The following LRRIQ3 variants were observed in gnomAD, a reference collection of about 807,000 sequenced individuals.
The protein encoded by LRRIQ3 is leucine rich repeats and IQ motif containing 3.
Under a neutral mutation model 59.3 loss-of-function variants are expected in LRRIQ3, and 75 were observed. The ratio of observed to expected loss-of-function variants is 1.26; its 90% CI spans 1.05 to 1.53. The LOEUF is 1.53. Among genes scored for constraint, LRRIQ3 ranks in the 40% most tolerant of loss-of-function variants. LRRIQ3 has a pLI of 0.00. For missense variants in LRRIQ3, 831 were observed against 710.0 expected (o/e 1.17, Z -1.94); for synonymous variants, 250 against 231.3 (o/e 1.08, Z -0.73).
intron 3 of LRRIQ3, among the ~76,000 whole-genome samples, chr1:74,176,646 T>A (rs1405861976): frequency 6.6e-6 from 1 of 151,798 alleles, no homozygotes; most frequent in Non-Finnish European, 1.5e-5. Context: ...TCTCAGTATT[T>A]TTTTTTTCTG....
intron 7 of LRRIQ3, among the ~76,000 whole-genome samples, chr1:74,039,178 C>T (rs1419595045): frequency 1.3e-5 from 2 of 152,094 alleles, no homozygotes; most frequent in African/African-American, 4.8e-5. Context: ...CTTAGTGAAG[C>T]ATACACAAGT....
intron 6 of LRRIQ3, among the ~76,000 whole-genome samples, chr1:74,052,395 T>C (rs780714585): frequency 6.6e-6 from 1 of 152,148 alleles, no homozygotes; most frequent in Non-Finnish European, 1.5e-5. Flanking sequence ...CACGATGCCA[T>C]AGTTTCTTCA....
At chr1:74,114,941 T>A (rs2100573382) in intron 4 of LRRIQ3, among the ~76,000 whole-genome samples, 1 of 152,092 alleles carries the variant, frequency 6.6e-6, no homozygotes, top group South Asian at 2.1e-4. Flanking sequence ...TTCTTAATAT[T>A]TTATACAATT....
chr1:74,026,261 A>G lies in LRRIQ3; in HGVS notation c.*552T>C, dbSNP rs1653510386. On this transcript the variant is annotated 3_prime_UTR_variant, in exon 8 of 8. Transcript: ENST00000354431. ...TCAAGGAAGGTGATAAGAATGTTTA[A>G]TTTACTTTTCATAGTTCATATTTTC... 6.6e-6 allele frequency: 1 copy of G among 152,162 alleles called. No homozygotes were observed. Among genetic ancestry groups the G allele is most frequent in the East Asian group, 1.9e-4 (1 of 5,216 alleles). 9.4% of individuals were successfully genotyped at this position (152,162 alleles called of 1,614,324 possible). A position where few individuals can be genotyped will look rare whatever the true frequency, so the allele number is the denominator to read the frequency against.
intron 7 of LRRIQ3, among the ~76,000 whole-genome samples, chr1:74,037,213 T>C (rs1371531318): frequency 6.6e-6 from 1 of 152,134 alleles, no homozygotes; most frequent in African/African-American, 2.4e-5. Context: ...TACAAAGACT[T>C]GATTATTTTC....
chr1:74,089,716 T>A (rs952174409), intron 5 of LRRIQ3, among the ~76,000 whole-genome samples: 3 of 152,036 alleles, frequency 2.0e-5, no homozygotes, highest in Non-Finnish European at 4.4e-5. Flanking sequence ...TGGGGTTTCT[T>A]CTGGGGAATA....
At chr1:74,156,352 T>C (rs1257253223) in intron 3 of LRRIQ3, among the ~76,000 whole-genome samples, 1 of 152,210 alleles carries the variant, frequency 6.6e-6, no homozygotes, top group Non-Finnish European at 1.5e-5. Flanking sequence ...TAAACCTCTT[T>C]TCTTTATAAA....
intron 5 of LRRIQ3, among the ~76,000 whole-genome samples, chr1:74,104,036 T>G (rs1056501282): frequency 6.6e-6 from 1 of 151,932 alleles, no homozygotes; most frequent in African/African-American, 2.4e-5. Flanking sequence ...GGTGACAAAT[T>G]ATCTCATCTT....
chr1:74,183,273 G>C (rs1291738558), intron 2 of LRRIQ3, 163 bp downstream of exon 2: 1 of 517,456 alleles, frequency 1.9e-6, no homozygotes, highest in Non-Finnish European at 3.2e-6. Context: ...CAAAGTGTCC[G>C]TATTTATATA....
intron 1 of LRRIQ3, among the ~76,000 whole-genome samples, chr1:74,187,913 T>C (rs754563756): frequency 2.6e-5 from 4 of 152,122 alleles, no homozygotes; most frequent in Non-Finnish European, 5.9e-5. Context: ...AGCAATCCCA[T>C]TACTGGGTAT....
intron 5 of LRRIQ3, among the ~76,000 whole-genome samples, chr1:74,104,175 C>G (rs1367382760): frequency 6.6e-6 from 1 of 151,896 alleles, no homozygotes; most frequent in African/African-American, 2.4e-5. Flanking sequence ...GTACCACTAC[C>G]AACCTATTAG....
chr1:74,110,530 A>C (rs955676633), intron 4 of LRRIQ3, among the ~76,000 whole-genome samples: 2 of 152,064 alleles, frequency 1.3e-5, no homozygotes, highest in Non-Finnish European at 2.9e-5. Context: ...AAAAGAAACC[A>C]CATCAATATC....
At chr1:74,097,955 C>T (rs1161129291) in intron 5 of LRRIQ3, among the ~76,000 whole-genome samples, 8 of 152,102 alleles carry the variant, frequency 5.3e-5, no homozygotes, top group Non-Finnish European at 7.4e-5. Flanking sequence ...AAAAATTTGC[C>T]GAATTGTAAA....
rs112378363 is a variant in LRRIQ3 at position 74,192,310 on chromosome 1, G to A, written c.-1+5686C>T. On this transcript the variant is annotated intron_variant, in intron 1 of 7. Coordinates refer to ENST00000354431, the MANE Select transcript of LRRIQ3 (RefSeq NM_001105659.2). Reference sequence around the variant, plus strand: ...TTACAAAAGTATATTGCATAATGCTGCAATTTGGAGTATGAATGAATTTGT... The same window carrying A: ...TTACAAAAGTATATTGCATAATGCTACAATTTGGAGTATGAATGAATTTGT... Among the ~76,000 whole-genome samples, 626 of 152,176 alleles carry A rather than the reference G, an allele frequency of 4.1e-3. 5 individuals are homozygous for A. The highest frequency in any genetic ancestry group is 6.8e-3 in the Non-Finnish European group (463 of 67,984).
At chr1:74,117,346 T>TCA (rs1350880413) in intron 4 of LRRIQ3, among the ~76,000 whole-genome samples, 5 of 152,144 alleles carry the variant, frequency 3.3e-5, no homozygotes, top group Admixed American at 6.6e-5. Flanking sequence ...GACAAGAGTC[T>TCA]CATGTAAAAA....
At chr1:74,115,823 C>T (rs1646769580) in intron 4 of LRRIQ3, among the ~76,000 whole-genome samples, 1 of 151,656 alleles carries the variant, frequency 6.6e-6, no homozygotes, top group African/African-American at 2.4e-5. Context: ...CTTCAGATTC[C>T]CAAAGGAATC....
chr1:74,151,252 G>A (rs934143161), intron 4 of LRRIQ3, among the ~76,000 whole-genome samples: 19 of 151,736 alleles, frequency 1.3e-4, no homozygotes, highest in South Asian at 2.1e-4. Flanking sequence ...TCTTGACCTC[G>A]TGATCTGCCC....
At position 74,145,396 on chromosome 1, in the gene LRRIQ3, T is replaced by A. The variant is rs150448604; in HGVS notation, c.707+10337A>T. Among the ~76,000 whole-genome samples, 5 of 152,282 alleles carry A rather than the reference T, an allele frequency of 3.3e-5. No homozygotes were observed. The East Asian group carries it at 9.7e-4, about 29-fold the overall frequency. On this transcript the variant is annotated intron_variant, in intron 4 of 7. Transcript: ENST00000354431. ...CTGCTGTTCCTTTTCCAAAGCCAGTTACTCTGTCTTCCTGAATTTTTCGTG... is the reference window on the plus strand; with the variant it reads ...CTGCTGTTCCTTTTCCAAAGCCAGTAACTCTGTCTTCCTGAATTTTTCGTG...
chr1:74,090,503 G>C (rs1290425344), intron 5 of LRRIQ3, among the ~76,000 whole-genome samples: 3 of 152,082 alleles, frequency 2.0e-5, no homozygotes, highest in Middle Eastern at 3.4e-3. Context: ...ACTTAGTAAT[G>C]AAAATAAAAT....
Sources: gnomAD v4.1 joint callset for allele counts (sites outside exome capture counted in the v4.1 genomes callset) on GRCh38, gnomAD v4.1.1 for gene constraint, MANE v1.5 for transcripts, NCBI Gene and HGNC (gene_info 2026-07-23, HGNC 2026-07-21) for gene names.